Variants in UBAP2 observed in about 807,000 individuals in gnomAD.
UBAP2 encodes the protein ubiquitin-associated protein 2.
Under a neutral mutation model 139.6 loss-of-function variants are expected in UBAP2, and 75 were observed. The observed-to-expected ratio is 0.54, with a 90% CI of 0.45 to 0.65. UBAP2 has a LOEUF of 0.65. Among genes scored for constraint, UBAP2 ranks in the 30% least tolerant of loss-of-function variants. The pLI is 0.00. For missense variants in UBAP2, 1,368 were observed against 1,369.6 expected, an observed-to-expected ratio of 1.00 and a Z score of 0.02; for synonymous variants, 526 against 526.2, an observed-to-expected ratio of 1.00 and a Z score of 0.01.
intron 6 of UBAP2, among the ~76,000 whole-genome samples, chr9:33,977,476 G>A (rs1820248752): frequency 6.6e-6 from 1 of 152,084 alleles, no homozygotes; most frequent in South Asian, 2.1e-4. Flanking sequence ...CCATTTCCCT[G>A]CATTGTTATC....
chr9:33,969,874 A>C (rs1039456041), intron 8 of UBAP2, among the ~76,000 whole-genome samples: 232 of 76,484 alleles, frequency 3.0e-3, no homozygotes, highest in Admixed American at 5.6e-3. Context: ...ACACCCCCCC[A>C]CCCCCAAAAA....
chr9:34,040,698 T>C (rs1826993106), intron 1 of UBAP2, among the ~76,000 whole-genome samples: 1 of 152,174 alleles, frequency 6.6e-6, no homozygotes, highest in African/African-American at 2.4e-5. Flanking sequence ...AAAGGCAACA[T>C]AAAATGTTGG....
chr9:33,963,309 G>A lies in UBAP2; in HGVS notation c.745+417C>T, dbSNP rs573324310. Among the ~76,000 whole-genome samples the A allele has an allele frequency of 8.5e-5, 13 of 152,202 alleles. No individual in the cohort carries two copies. The South Asian group carries it at 2.5e-3, about 29-fold the overall frequency. ...AAAATTCCAGACATTAAATACAGAA[G>A]GCAAAGGCTCAGGTCCTAATCATAT... On this transcript the variant is annotated intron_variant, in intron 9 of 28. Transcript: ENST00000379238.
intron 13 of UBAP2, among the ~76,000 whole-genome samples, chr9:33,945,002 T>G (rs1380526123): frequency 2.6e-5 from 4 of 152,146 alleles, no homozygotes; most frequent in South Asian, 4.1e-4. Flanking sequence ...CAGTCACTCA[T>G]GCCTATAATG....
In UBAP2 at chr9:33,939,206, T is replaced by TTTTTC. The variant is rs1554681270; in HGVS notation, c.1929+2442_1929+2443insGAAAA. 1.3e-3 allele frequency among the ~76,000 whole-genome samples: 176 copies of TTTTTC among 138,414 alleles called. 4 individuals are homozygous for TTTTTC. Among genetic ancestry groups the TTTTTC allele is most frequent in the Non-Finnish European group, 2.3e-3 (149 of 63,916 alleles). 90.8% of individuals were successfully genotyped at this position (138,414 alleles called of 152,430 possible). A position where few individuals can be genotyped will look rare whatever the true frequency, so the allele number is the denominator to read the frequency against. ...TCCTATGTCTTTTTTTTTTTTTTTT[T>TTTTTC]TTTTTGAGATGGAGTCTTGCTCTGT... On this transcript the variant is annotated intron_variant, in intron 16 of 28. Coordinates refer to ENST00000379238, the MANE Select transcript of UBAP2 (RefSeq NM_001370062.2).
chr9:33,992,678 G>A (rs1349779439), intron 4 of UBAP2, among the ~76,000 whole-genome samples: 2 of 150,946 alleles, frequency 1.3e-5, no homozygotes, highest in Admixed American at 6.6e-5. Context: ...GCACAAATAG[G>A]GAAAAGAACC....
At chr9:33,988,865 C>G (rs1821431409) in intron 5 of UBAP2, 108 bp downstream of exon 5, 6 of 1,225,236 alleles carry the variant, frequency 4.9e-6, no homozygotes, top group African/African-American at 1.5e-5. Context: ...TTTGAGAAAG[C>G]TGAGCGCAGT....
At chr9:34,008,109 T>A (rs1027841103) in intron 2 of UBAP2, among the ~76,000 whole-genome samples, 9 of 151,978 alleles carry the variant, frequency 5.9e-5, no homozygotes, top group Admixed American at 2.6e-4. Context: ...CACTCCAGCA[T>A]GGCGACAGAG....
intron 6 of UBAP2, among the ~76,000 whole-genome samples, 180 bp from the exon 7 acceptor site, chr9:33,973,417 T>A (rs10971828): frequency 2.0e-5 from 3 of 152,180 alleles, no homozygotes; most frequent in Admixed American, 6.5e-5. Flanking sequence ...TATACCCAGT[T>A]AGTGACTTCT....
intron 2 of UBAP2, among the ~76,000 whole-genome samples, chr9:34,007,501 AT>A (rs1408240663): frequency 6.6e-6 from 1 of 151,232 alleles, no homozygotes; most frequent in East Asian, 1.9e-4. Flanking sequence ...AAAAAAAAAA[AT>A]AGCCTTTATT....
intron 6 of UBAP2, among the ~76,000 whole-genome samples, chr9:33,981,922 T>A (rs913638921): frequency 1.3e-5 from 2 of 152,090 alleles, no homozygotes; most frequent in African/African-American, 2.4e-5. Flanking sequence ...GTCAGAATCA[T>A]AGTAATTTTC....
At chr9:33,998,375 G>A (rs1822375944) in intron 3 of UBAP2, 2 of 160,090 alleles carry the variant, frequency 1.2e-5, no homozygotes, top group Non-Finnish European at 1.4e-5. Flanking sequence ...TCCAGCCTGG[G>A]CAACAGAGTG....
intron 8 of UBAP2, among the ~76,000 whole-genome samples, chr9:33,967,317 T>G (rs1827545181): frequency 6.6e-6 from 1 of 152,228 alleles, no homozygotes; most frequent in African/African-American, 2.4e-5. Flanking sequence ...GACTTACTTA[T>G]TTTTTCTTTA....
At chr9:34,047,949 G>A (rs918707855) in intron 1 of UBAP2, among the ~76,000 whole-genome samples, 1 of 152,220 alleles carries the variant, frequency 6.6e-6, no homozygotes, top group Non-Finnish European at 1.5e-5. Context: ...AATAGAAGTG[G>A]TAGTAAATGA....
intron 8 of UBAP2, among the ~76,000 whole-genome samples, chr9:33,970,598 T>A (rs1827843979): frequency 2.0e-5 from 3 of 151,946 alleles, no homozygotes; most frequent in Admixed American, 2.0e-4. Flanking sequence ...GCCATGCTAA[T>A]TTTTTAAGTT....
At chr9:34,027,223 G>A (rs1169033413) in intron 1 of UBAP2, among the ~76,000 whole-genome samples, 1 of 152,052 alleles carries the variant, frequency 6.6e-6, no homozygotes, top group African/African-American at 2.4e-5. Flanking sequence ...GCTCACACCT[G>A]TAATCCCGGC....
chr9:34,031,277 C>CA (rs767083775), intron 1 of UBAP2, among the ~76,000 whole-genome samples: 3,334 of 71,520 alleles, frequency 0.047, 50 homozygotes, highest in East Asian at 0.057. Flanking sequence ...AACTCAGTCT[C>CA]AAAAAAAAAA....
chr9:33,995,977 T>C, intron 4 of UBAP2: 1 of 352,390 alleles, frequency 2.8e-6, no homozygotes, highest in Non-Finnish European at 5.1e-6. Flanking sequence ...ACAGAGATTT[T>C]TGGAAACTGT....
chr9:34,016,367 C>CGGTGGT (rs1485527479), intron 2 of UBAP2, among the ~76,000 whole-genome samples: 4 of 10,454 alleles, frequency 3.8e-4, no homozygotes, highest in East Asian at 9.4e-3. Flanking sequence ...GCGGCGGCAG[C>CGGTGGT]GGCGGTGGTG....
Sources: gnomAD v4.1 joint callset for allele counts (sites outside exome capture counted in the v4.1 genomes callset) on GRCh38, gnomAD v4.1.1 for gene constraint, MANE v1.5 for transcripts, NCBI Gene and HGNC (gene_info 2026-07-23, HGNC 2026-07-21) for gene names.